The following FER variants were observed in gnomAD, a reference collection of about 807,000 sequenced individuals.
The protein encoded by FER is tyrosine-protein kinase Fer.
Under a neutral mutation model 111.0 loss-of-function variants are expected in FER, and 63 were observed. The ratio of observed to expected loss-of-function variants is 0.57; its 90% CI spans 0.46 to 0.70. FER has a LOEUF of 0.70. Ranked by LOEUF, FER falls within the 30% of genes least tolerant of loss-of-function variation. The probability of loss-of-function intolerance (pLI) is 0.00; values close to 1 mark genes in which losing one functional copy is unlikely to be tolerated. For synonymous variants in FER, 327 were observed against 313.9 expected (o/e 1.04, Z -0.44); for missense variants, 914 against 954.0 (o/e 0.96, Z 0.55).
Position 108,897,957 on chromosome 5 carries a change from A to G in FER, c.1236+109A>G, listed in dbSNP as rs934073074. On this transcript the variant is annotated intron_variant, in intron 10 of 19. Transcript: ENST00000281092. Reference sequence around the variant, plus strand: ...ATAACAAATTGTTACTCTTGTTAATATGCAGGTCCTATTAAACTTGTTTGT... The same window carrying G: ...ATAACAAATTGTTACTCTTGTTAATGTGCAGGTCCTATTAAACTTGTTTGT... 5 of 1,004,610 alleles carry G rather than the reference A, an allele frequency of 5.0e-6. No homozygotes were observed. The African/African-American group carries it at 8.5e-5, about 17-fold the overall frequency. 62.2% of individuals were successfully genotyped at this position (1,004,610 alleles called of 1,614,324 possible). A position where few individuals can be genotyped will look rare whatever the true frequency, so the allele number is the denominator to read the frequency against.
Position 109,189,617 on chromosome 5 carries a change from A to G in FER, c.*2042A>G, listed in dbSNP as rs984423925. ...TGCTATGGTATTGAGGCACTTACCA[A>G]CCTTCAAAAGTAAGAGTAAAATGGG... On this transcript the variant is annotated 3_prime_UTR_variant, in exon 20 of 20. Transcript: ENST00000281092. 2 of 152,202 alleles carry G rather than the reference A, an allele frequency of 1.3e-5. No individual in the cohort carries two copies. The highest frequency in any genetic ancestry group is 2.4e-5 in the African/African-American group (1 of 41,462). 9.4% of individuals were successfully genotyped at this position (152,202 alleles called of 1,614,324 possible). A position where few individuals can be genotyped will look rare whatever the true frequency, so the allele number is the denominator to read the frequency against.
At chr5:108,851,208 C>T (rs192636822) in intron 5 of FER, among the ~76,000 whole-genome samples, 25 of 152,158 alleles carry the variant, frequency 1.6e-4, no homozygotes, top group Non-Finnish European at 3.2e-4. Context: ...CTTACATTTC[C>T]ATATGACTAG....
chr5:109,060,170 T>C (rs1774202609), intron 16 of FER, among the ~76,000 whole-genome samples: 1 of 152,174 alleles, frequency 6.6e-6, no homozygotes, highest in Non-Finnish European at 1.5e-5. Context: ...TAGATGGGGA[T>C]AGACAATAGA....
chr5:108,978,720 A>G (rs1221904033), intron 13 of FER, among the ~76,000 whole-genome samples: 1 of 152,220 alleles, frequency 6.6e-6, no homozygotes, highest in Non-Finnish European at 1.5e-5. Flanking sequence ...AACACTATAT[A>G]TACTCATAGA....
rs567992696 is a variant in FER at position 109,168,605 on chromosome 5, T to C, written c.2049-12142T>C. Among the ~76,000 whole-genome samples the C allele has an allele frequency of 2.0e-4, 30 of 152,272 alleles. No individual in the cohort carries two copies. The South Asian group carries it at 5.6e-3, about 28-fold the overall frequency. On this transcript the variant is annotated intron_variant, in intron 17 of 19. Transcript: ENST00000281092. Reference sequence around the variant, plus strand: ...ATGGAATCCCCTTCCCCATACCTCTTCATTTGTATTCTTCAAGATATTATT... The same window carrying C: ...ATGGAATCCCCTTCCCCATACCTCTCCATTTGTATTCTTCAAGATATTATT...
rs372497676 is a variant in FER at position 108,762,153 on chromosome 5, A to G, written c.-205-5940A>G. ...TGGTCTTGAACTCCTTACGTCAGGC[A>G]ATCTGCCTGCCTTGTGGTATAATTT... On this transcript the variant is annotated intron_variant, in intron 1 of 19. Transcript: ENST00000281092. Among the ~76,000 whole-genome samples the G allele has an allele frequency of 1.6e-3, 241 of 152,118 alleles. 14 individuals are homozygous for G. In the South Asian group the frequency reaches 0.05, roughly 31 times the overall value.
At chr5:109,067,787 A>G (rs1041467167) in intron 16 of FER, among the ~76,000 whole-genome samples, 1 of 152,170 alleles carries the variant, frequency 6.6e-6, no homozygotes, top group African/African-American at 2.4e-5. Context: ...ATTCATGAAC[A>G]TTCCCAAAAA....
chr5:108,841,652 T>C (rs1761281087), intron 5 of FER, among the ~76,000 whole-genome samples: 1 of 152,150 alleles, frequency 6.6e-6, no homozygotes. Context: ...TGTTAATTAA[T>C]TTTAAAAACA....
intron 10 of FER, among the ~76,000 whole-genome samples, chr5:108,917,182 T>G (rs1752381667): frequency 6.6e-6 from 1 of 152,186 alleles, no homozygotes; most frequent in Admixed American, 6.5e-5. Flanking sequence ...GCTAGCTATT[T>G]AACTCAACAG....
chr5:108,840,844 A>G (rs1761188692), intron 5 of FER, among the ~76,000 whole-genome samples: 1 of 152,162 alleles, frequency 6.6e-6, no homozygotes, highest in East Asian at 1.9e-4. Flanking sequence ...TTGTGAAGGT[A>G]CCTTTACCCC....
chr5:108,833,067 C>G (rs988710622), intron 4 of FER, 124 bp downstream of exon 4: 1 of 746,646 alleles, frequency 1.3e-6, no homozygotes, highest in Non-Finnish European at 2.1e-6. Flanking sequence ...GGTTTATGGT[C>G]TCTAATAAGT....
chr5:109,156,686 G>A (rs2126717202), intron 17 of FER, among the ~76,000 whole-genome samples: 1 of 152,150 alleles, frequency 6.6e-6, no homozygotes. Context: ...CCAAGAGGGG[G>A]TAGTCAAAGG....
intron 13 of FER, among the ~76,000 whole-genome samples, chr5:108,994,443 A>T (rs1041492820): frequency 6.6e-6 from 1 of 152,040 alleles, no homozygotes; most frequent in African/African-American, 2.4e-5. Context: ...TAGTTCTGAG[A>T]TCTCAATTCT....
chr5:108,759,854 T>G (rs1751527678), intron 1 of FER, among the ~76,000 whole-genome samples: 1 of 152,174 alleles, frequency 6.6e-6, no homozygotes, highest in African/African-American at 2.4e-5. Flanking sequence ...ACAATGACCC[T>G]GGGGAAGTTT....
Position 109,196,318 on chromosome 5 carries a change from A to G in FER, c.*8743A>G, listed in dbSNP as rs550319222. ...CAGGCACTTCTGGTAAAGACATTCC[A>G]CCTGCAAGCAGCATTTTGAGTAAAG... On this transcript the variant is annotated 3_prime_UTR_variant, in exon 20 of 20. Transcript: ENST00000281092. 4.6e-5 allele frequency: 7 copies of G among 152,294 alleles called. No homozygotes were observed. Among genetic ancestry groups the G allele is most frequent in the African/African-American group, 1.7e-4 (7 of 41,574 alleles). The allele number at this position is 152,294 out of a possible 1,614,324, so 9.4% of individuals were successfully genotyped here. A position where few individuals can be genotyped will look rare whatever the true frequency, so the allele number is the denominator to read the frequency against.
chr5:109,045,276 TTTAAG>T (rs1286333355), intron 15 of FER, among the ~76,000 whole-genome samples: 107 of 141,916 alleles, frequency 7.5e-4, no homozygotes, highest in African/African-American at 2.7e-3. Context: ...AGTATATACA[TTTAAG>T]TATATACATT....
chr5:109,163,084 G>T (rs533243673), intron 17 of FER, among the ~76,000 whole-genome samples: 1 of 151,978 alleles, frequency 6.6e-6, no homozygotes, highest in Non-Finnish European at 1.5e-5. Flanking sequence ...TTTACATCGA[G>T]CTATGATCTC....
intron 5 of FER, chr5:108,841,899 T>G (rs1181044336): frequency 2.8e-6 from 1 of 360,558 alleles, no homozygotes; most frequent in Non-Finnish European, 5.4e-6. Flanking sequence ...AGGATTAGTA[T>G]TTTTGTATGT....
chr5:108,880,504 CTTAT>C (rs1186055783), intron 8 of FER, among the ~76,000 whole-genome samples: 1 of 151,970 alleles, frequency 6.6e-6, no homozygotes, highest in African/African-American at 2.4e-5. Context: ...GTGTTATTTA[CTTAT>C]TTATTTATTT....
Sources: allele counts gnomAD v4.1 joint callset (sites outside exome capture counted in the v4.1 genomes callset), GRCh38; gene constraint gnomAD v4.1.1; transcripts MANE v1.5; gene names NCBI Gene and HGNC (gene_info 2026-07-23, HGNC 2026-07-21).